Variants in EEF2KMT observed in about 807,000 individuals in gnomAD.
EEF2KMT encodes eukaryotic elongation factor 2 lysine methyltransferase, also known as protein-lysine N-methyltransferase EEF2KMT.
Under a neutral mutation model 35.1 loss-of-function variants are expected in EEF2KMT, and 30 were observed. The ratio of observed to expected loss-of-function variants is 0.85; its 90% CI spans 0.64 to 1.16. The LOEUF is 1.16. Among genes scored for constraint, EEF2KMT ranks in the 50% most tolerant of loss-of-function variants. EEF2KMT has a pLI of 0.00. For missense variants in EEF2KMT, 499 were observed against 438.2 expected, an observed-to-expected ratio of 1.14 and a Z score of -1.24; for synonymous variants, 190 against 187.7, an observed-to-expected ratio of 1.01 and a Z score of -0.10.
chr16:5,089,092 G>C lies in EEF2KMT; in HGVS notation c.892+15C>G, dbSNP rs759187495. ...CTCAGGGACCATGCAGGCCCGGGTG[G>C]GCGTGGAGGCTCACCTAGCTCGGTG... On this transcript the variant is annotated intron_variant, in intron 7 of 7. Coordinates refer to ENST00000427587, the MANE Select transcript of EEF2KMT (RefSeq NM_201400.4). 9 of 1,612,230 alleles carry C rather than the reference G, an allele frequency of 5.6e-6. No individual in the cohort carries two copies. The highest frequency in any genetic ancestry group is 4.5e-5 in the East Asian group (2 of 44,868).
At position 5,090,600 on chromosome 16, in the gene EEF2KMT, G is replaced by C; in HGVS notation, c.343-35C>G. 3.7e-6 allele frequency: 6 copies of C among 1,611,580 alleles called. No individual in the cohort carries two copies. The highest frequency in any genetic ancestry group is 5.1e-6 in the Non-Finnish European group (6 of 1,179,604). On this transcript the variant is annotated intron_variant, in intron 4 of 7. Coordinates refer to ENST00000427587, the MANE Select transcript of EEF2KMT (RefSeq NM_201400.4). The surrounding 1 kb of genome is among the most constrained non-coding windows in gnomAD (Gnocchi z 4.1). ...GAGAAGGCGAGAGAGTCAGTCCAGC[G>C]ATCAGAAGGCAAGTGGCTTAGAAGA...
intron 1 of EEF2KMT, among the ~76,000 whole-genome samples, chr16:5,097,025 G>T (rs1216341783): frequency 2.6e-5 from 4 of 152,226 alleles, no homozygotes; most frequent in Non-Finnish European, 5.9e-5. Context: ...CACCGCACAT[G>T]AATTACAAAT....
Position 5,091,812 on chromosome 16 carries a change from G to A in EEF2KMT, c.324C>T (p.Gly108=). Residue 108 remains glycine, a synonymous_variant, in exon 4 of 8, where the codon GGC becomes GGT. Transcript: ENST00000427587. ...CTCATACCAGCAAATAGCTCCGGTG[G>A]CCCTGGGTGGACTCCTTGGCCATCA... The part of the protein sequence containing the change: ...ETLMAKESTQ[G]HRSYLLPSGG... 2 of 1,611,802 alleles carry A rather than the reference G, an allele frequency of 1.2e-6. No homozygotes were observed. Among genetic ancestry groups the A allele is most frequent in the African/African-American group, 1.3e-5 (1 of 74,960 alleles).
chr16:5,084,846 G>T lies in EEF2KMT; in HGVS notation c.*786C>A. On this transcript the variant is annotated 3_prime_UTR_variant, in exon 8 of 8. Coordinates refer to ENST00000427587, the MANE Select transcript of EEF2KMT (RefSeq NM_201400.4). ...GCAGCTCCGATGGGATGAGAGCTGG[G>T]TGCAGACTGTGCTCCCTTTGGTTAT... The T allele has an allele frequency of 6.3e-6, 10 of 1,596,494 alleles. No homozygotes were observed. Among genetic ancestry groups the T allele is most frequent in the Non-Finnish European group, 8.5e-6 (10 of 1,179,788 alleles).
intron 3 of EEF2KMT, 123 bp from the exon 4 acceptor site, chr16:5,092,018 A>G (rs1957350523): frequency 6.6e-7 from 1 of 1,521,386 alleles, no homozygotes; most frequent in Admixed American, 2.1e-5. Context: ...GCCAGCTGCC[A>G]TATAAAATAT....
rs567864126 is a variant in EEF2KMT at position 5,085,722 on chromosome 16, C to T, written c.903G>A (p.Gly301=). The change falls in exon 8 of 8, where the codon GGG becomes GGA. Residue 301 remains glycine, a synonymous_variant. Coordinates refer to ENST00000427587, the MANE Select transcript of EEF2KMT (RefSeq NM_201400.4). Reference sequence around the variant, plus strand: ...GACGAGGTTCCACTTCCCATCTGATCCCGGCCCGGCCTGGAAACAGAGCAC... The same window carrying T: ...GACGAGGTTCCACTTCCCATCTGATTCCGGCCCGGCCTGGAAACAGAGCAC... The part of the protein sequence containing the change: ...QLFTTELGRA[G]IRWEVEPRHE... The T allele has an allele frequency of 1.2e-6, 2 of 1,611,260 alleles. No individual in the cohort carries two copies. The highest frequency in any genetic ancestry group is 4.5e-5 in the East Asian group (2 of 44,870).
chr16:5,091,970 T>C (rs1418144743), intron 3 of EEF2KMT, 75 bp from the exon 4 acceptor site: 3 of 1,596,246 alleles, frequency 1.9e-6, no homozygotes, highest in Non-Finnish European at 2.6e-6. Flanking sequence ...TTTCACCAAG[T>C]TTGGAGGGGA....
intron 3 of EEF2KMT, 31 bp from the exon 4 acceptor site, chr16:5,091,926 C>T (rs1439993988): frequency 6.2e-7 from 1 of 1,610,606 alleles, no homozygotes; most frequent in Non-Finnish European, 8.5e-7. Flanking sequence ...AGCTTGTTTG[C>T]TTTCGTTCTA....
rs1957277934 is a variant in EEF2KMT, at chr16:5,088,985, C to G, written c.892+122G>C. On this transcript the variant is annotated intron_variant, in intron 7 of 7. Transcript: ENST00000427587. ...CTCACTGGCCTCTGCCTGAGTTCCC[C>G]CCATGGTGTGGGAGTGTGGGGCAAC... 2.5e-6 allele frequency: 4 copies of G among 1,591,520 alleles called. No individual in the cohort carries two copies. In the Admixed American group the frequency reaches 6.7e-5, roughly 27 times the overall value.
At chr16:5,088,232 C>T (rs978090025) in intron 7 of EEF2KMT, among the ~76,000 whole-genome samples, 6 of 147,584 alleles carry the variant, frequency 4.1e-5, no homozygotes, top group East Asian at 2.0e-4. Context: ...CTGAGCCCTG[C>T]GCCCGGCCAG....
chr16:5,094,345 C>A (rs1418528722), intron 2 of EEF2KMT, among the ~76,000 whole-genome samples: 1 of 152,194 alleles, frequency 6.6e-6, no homozygotes, highest in Non-Finnish European at 1.5e-5. Context: ...TCACTGCAGC[C>A]TCTGCCTCCT....
chr16:5,094,410 G>T (rs1034020792), intron 2 of EEF2KMT, among the ~76,000 whole-genome samples: 1 of 152,128 alleles, frequency 6.6e-6, no homozygotes, highest in Non-Finnish European at 1.5e-5. Context: ...CTATAGGCAT[G>T]TACCACCACG....
chr16:5,089,242 G>T lies in EEF2KMT; in HGVS notation c.757C>A (p.Pro253Thr). The change falls in exon 7 of 8, where the codon CCA becomes ACA. Residue 253 changes from proline to threonine, a missense_variant. Transcript: ENST00000427587. Reference sequence around the variant, plus strand: ...CCGACCAGCGACATGATGGCTTCTGGGCAATACAGCACATCTATGGTGAAA... The same window carrying T: ...CCGACCAGCGACATGATGGCTTCTGTGCAATACAGCACATCTATGGTGAAA... Reference protein sequence around the residue: ...VVIAADVLYCPEAIMSLVGVL... With the variant: ...VVIAADVLYCTEAIMSLVGVL... The T allele has an allele frequency of 1.2e-6, 2 of 1,605,346 alleles. No homozygotes were observed. Among genetic ancestry groups the T allele is most frequent in the East Asian group, 4.5e-5 (2 of 44,884 alleles).
chr16:5,093,911 C>T lies in EEF2KMT; in HGVS notation c.160-347G>A, dbSNP rs180951585. On this transcript the variant is annotated intron_variant, in intron 2 of 7. Coordinates refer to ENST00000427587, the MANE Select transcript of EEF2KMT (RefSeq NM_201400.4). ...CAACGGTCTGGCTCTATGGAAGAGG[C>T]GGGAAGGCCCACTCGGCAACTGCTC... Among the ~76,000 whole-genome samples the T allele has an allele frequency of 5.3e-3, 809 of 152,334 alleles. 9 individuals carry two copies. The highest frequency in any genetic ancestry group is 0.019 in the African/African-American group (775 of 41,574).
intron 7 of EEF2KMT, chr16:5,086,936 C>A (rs962039953): frequency 1.3e-5 from 2 of 152,204 alleles, no homozygotes; most frequent in Non-Finnish European, 2.9e-5. Flanking sequence ...AAGCCTCAGC[C>A]TCTTACAGTG....
intron 7 of EEF2KMT, 32 bp from the exon 8 acceptor site, chr16:5,085,764 C>T (rs749311788): frequency 2.7e-5 from 42 of 1,540,430 alleles, no homozygotes; most frequent in South Asian, 1.8e-4. Flanking sequence ...TTGAGGATGG[C>T]GGTGTTTGGG....
At chr16:5,093,976 G>A (rs1335977520) in intron 2 of EEF2KMT, among the ~76,000 whole-genome samples, 1 of 152,192 alleles carries the variant, frequency 6.6e-6, no homozygotes, top group Non-Finnish European at 1.5e-5. Context: ...TGGAGGGGAC[G>A]GGACGCTCCG....
In EEF2KMT at chr16:5,095,437, C is replaced by T. The variant is rs371818567; in HGVS notation, c.159+15G>A. On this transcript the variant is annotated intron_variant, in intron 2 of 7. Coordinates refer to ENST00000427587, the MANE Select transcript of EEF2KMT (RefSeq NM_201400.4). ...GAGGCAGGGTCATGAGTCCCAGGGA[C>T]TCTGGGATTCTTACCTTGTGCAAAA... 6.2e-7 allele frequency: 1 copy of T among 1,611,344 alleles called. No individual in the cohort carries two copies. Among genetic ancestry groups the T allele is most frequent in the Non-Finnish European group, 8.5e-7 (1 of 1,179,470 alleles).
In EEF2KMT at chr16:5,091,802, A is replaced by T. The variant is rs965556327; in HGVS notation, c.334T>A (p.Tyr112Asn). The T allele has an allele frequency of 6.8e-6, 11 of 1,611,610 alleles. No individual in the cohort carries two copies. The highest frequency in any genetic ancestry group is 9.3e-6 in the Non-Finnish European group (11 of 1,179,708). ...GGGTGCCCTTCTCATACCAGCAAAT[A>T]GCTCCGGTGGCCCTGGGTGGACTCC... Reference protein sequence around the residue: ...AKESTQGHRSYLLPSGGSVTL... With the variant: ...AKESTQGHRSNLLPSGGSVTL... The change falls in exon 4 of 8, where the codon TAT (tyrosine) becomes AAT (asparagine). Residue 112 changes from tyrosine (Y) to asparagine (N), a missense_variant. By Grantham distance (143) the Tyr-to-Asn change is moderately radical. Transcript: ENST00000427587.
Sources: gnomAD v4.1 joint callset for allele counts (sites outside exome capture counted in the v4.1 genomes callset) on GRCh38, gnomAD v4.1.1 for gene constraint, Gnocchi (gnomAD v3.1) non-coding constraint, MANE v1.5 for transcripts, NCBI Gene and HGNC (gene_info 2026-07-23, HGNC 2026-07-21) for gene names.